KCTD15: variants seen among roughly 807,000 people sequenced by gnomAD.
KCTD15 encodes BTB/POZ domain-containing protein KCTD15.
KCTD15 carries 11 observed loss-of-function variants against 27.2 expected under a neutral mutation model. The observed-to-expected ratio is 0.41, with a 90% CI of 0.25 to 0.67. KCTD15 has a LOEUF of 0.67. Among genes scored for constraint, KCTD15 ranks in the 30% least tolerant of loss-of-function variants. The pLI is 0.35. For missense variants in KCTD15, 350 were observed against 409.3 expected (o/e 0.86, Z 1.25); for synonymous variants, 163 against 176.0 (o/e 0.93, Z 0.58).
chr19:33,797,810 G>A (rs1468159760), intron 1 of KCTD15, among the ~76,000 whole-genome samples: 1 of 152,226 alleles, frequency 6.6e-6, no homozygotes, highest in Non-Finnish European at 1.5e-5. Context: ...AACAGCATTA[G>A]TTTCAATTAA....
At chr19:33,811,862 G>A (rs1975937243) in intron 6 of KCTD15, 2 of 1,601,808 alleles carry the variant, frequency 1.2e-6, no homozygotes, top group Non-Finnish European at 1.7e-6. Context: ...GTCTGACTTT[G>A]GATTCGAACT....
intron 4 of KCTD15, among the ~76,000 whole-genome samples, chr19:33,802,816 G>A (rs1376784812): frequency 6.6e-6 from 1 of 152,248 alleles, no homozygotes; most frequent in Non-Finnish European, 1.5e-5. Flanking sequence ...TAAAACCTTT[G>A]CCCACAACCC....
chr19:33,800,390 G>A (rs1350973706), intron 2 of KCTD15, 38 bp from the exon 3 acceptor site: 9 of 1,481,082 alleles, frequency 6.1e-6, no homozygotes, highest in South Asian at 1.2e-5. Flanking sequence ...TGACTAGGAG[G>A]AATAAGCCTT....
At chr19:33,801,026 A>G (rs972049507) in intron 3 of KCTD15, 141 bp from the exon 4 acceptor site, 1 of 728,982 alleles carries the variant, frequency 1.4e-6, no homozygotes, top group Non-Finnish European at 2.2e-6. Flanking sequence ...TGTCAGCTGA[A>G]TATATGATCA....
At chr19:33,800,184 CAT>C (rs138903501) in intron 2 of KCTD15, among the ~76,000 whole-genome samples, 5,350 of 152,266 alleles carry the variant, frequency 0.035, 128 homozygotes, top group Non-Finnish European at 0.056. Flanking sequence ...CCAGAAAACA[CAT>C]GTGTGAGTGT....
chr19:33,802,763 G>T (rs1176167711), intron 4 of KCTD15, among the ~76,000 whole-genome samples: 1 of 152,254 alleles, frequency 6.6e-6, no homozygotes, highest in African/African-American at 2.4e-5. Context: ...GTTTGAGATA[G>T]ATCATCCCTT....
upstream of KCTD15, chr19:33,796,295 A>C (rs1376737138): frequency 1.4e-5 from 2 of 147,582 alleles, no homozygotes; most frequent in Non-Finnish European, 3.0e-5. Flanking sequence ...TGGGCCGCGG[A>C]GGGCGCTGGG....
intron 5 of KCTD15, 44 bp from the exon 6 acceptor site, chr19:33,811,203 C>T: frequency 7.2e-7 from 1 of 1,397,190 alleles, no homozygotes; most frequent in Non-Finnish European, 9.5e-7. Context: ...CCCCACCACC[C>T]CTACTCCGAC....
At chr19:33,799,449 A>T (rs1975456412) in intron 2 of KCTD15, 1 of 152,246 alleles carries the variant, frequency 6.6e-6, no homozygotes, top group South Asian at 2.1e-4. Flanking sequence ...GGGGGTGACT[A>T]TTCACGTGCA....
In KCTD15 at chr19:33,813,337, G is replaced by T; in HGVS notation, c.*389G>T. On this transcript the variant is annotated 3_prime_UTR_variant, in exon 7 of 7. Coordinates refer to ENST00000683859, the MANE Select transcript of KCTD15 (RefSeq NM_001129994.2). ...GGGGCAGACTCTGGCGGGTCTCCTA[G>T]CGTCCGAGAGATGGCTTATTTTCTA... The T allele has an allele frequency of 2.1e-6, 1 of 482,156 alleles. No homozygotes were observed. The highest frequency in any genetic ancestry group is 3.9e-6 in the Non-Finnish European group (1 of 253,228). 29.9% of individuals were successfully genotyped at this position (482,156 alleles called of 1,614,324 possible). A position where few individuals can be genotyped will look rare whatever the true frequency, so the allele number is the denominator to read the frequency against.
upstream of KCTD15, among the ~76,000 whole-genome samples, chr19:33,794,738 A>C (rs1272524510): frequency 6.6e-6 from 1 of 152,220 alleles, no homozygotes; most frequent in Non-Finnish European, 1.5e-5. Flanking sequence ...CAGGAGATCA[A>C]AGTATTTGAA....
At chr19:33,795,360 AG>A (rs1975284481), upstream of KCTD15, among the ~76,000 whole-genome samples, 1 of 152,088 alleles carries the variant, frequency 6.6e-6, no homozygotes, top group African/African-American at 2.4e-5. Context: ...TAGTAGAGGG[AG>A]AAAGCCCCCC....
Position 33,811,243 on chromosome 19 carries a change from C to T in KCTD15, c.388-4C>T. The T allele has an allele frequency of 6.7e-7, 1 of 1,499,780 alleles. No individual in the cohort carries two copies. Among genetic ancestry groups the T allele is most frequent in the Non-Finnish European group, 8.9e-7 (1 of 1,123,796 alleles). The allele number at this position is 1,499,780 out of a possible 1,614,324, so 92.9% of individuals were successfully genotyped here. ...ACATCAACACCCTGTGCGCCTGTCC[C>T]CAGGACTTCAGTCTGCTGTACGAGG... On this transcript the variant is annotated splice_polypyrimidine_tract_variant and splice_region_variant and intron_variant, in intron 5 of 6. Coordinates refer to ENST00000683859, the MANE Select transcript of KCTD15 (RefSeq NM_001129994.2).
intron 5 of KCTD15, 32 bp from the exon 6 acceptor site, chr19:33,811,215 C>G: frequency 7.3e-7 from 1 of 1,376,162 alleles, no homozygotes; most frequent in Non-Finnish European, 9.6e-7. Flanking sequence ...TACTCCGACA[C>G]CCACATCAAC....
chr19:33,795,541 G>A (rs1298965489), upstream of KCTD15, among the ~76,000 whole-genome samples: 2 of 151,886 alleles, frequency 1.3e-5, no homozygotes, highest in Non-Finnish European at 2.9e-5. Flanking sequence ...CCGCCCCGCG[G>A]TCCCAGCCGG....
intron 5 of KCTD15, 139 bp from the exon 6 acceptor site, chr19:33,811,108 C>T: frequency 1.4e-6 from 1 of 718,644 alleles, no homozygotes; most frequent in Middle Eastern, 4.0e-4. Context: ...ATGGGTGCAA[C>T]CGGCCCAGTC....
chr19:33,812,576 C>A, intron 6 of KCTD15: 2 of 1,279,062 alleles, frequency 1.6e-6, no homozygotes, highest in South Asian at 6.1e-5. Context: ...GGTTTGCTAA[C>A]CTGAGGGGTC....
chr19:33,809,304 T>G (rs1031841089), intron 5 of KCTD15, among the ~76,000 whole-genome samples: 1 of 152,078 alleles, frequency 6.6e-6, no homozygotes, highest in African/African-American at 2.4e-5. Context: ...CTTTTAAAGT[T>G]TTTTAAGAGT....
chr19:33,805,868 C>T (rs1395669140), intron 4 of KCTD15, among the ~76,000 whole-genome samples: 1 of 152,234 alleles, frequency 6.6e-6, no homozygotes, highest in Non-Finnish European at 1.5e-5. Context: ...TCAGCCCTGG[C>T]TCTGAGGCCT....
Sources: gnomAD v4.1 joint callset for allele counts (sites outside exome capture counted in the v4.1 genomes callset) on GRCh38, gnomAD v4.1.1 for gene constraint, MANE v1.5 for transcripts, NCBI Gene and HGNC (gene_info 2026-07-23, HGNC 2026-07-21) for gene names.